Variants in CLPTM1L observed in about 807,000 individuals in gnomAD.
CLPTM1L encodes the protein CLPTM1 like.
A neutral mutation model predicts 70.9 loss-of-function variants in CLPTM1L; 38 were observed. The observed-to-expected ratio is 0.54, with a 90% CI of 0.41 to 0.70. The LOEUF (loss-of-function observed/expected upper bound fraction) is 0.70. Among genes scored for constraint, CLPTM1L ranks in the 30% least tolerant of loss-of-function variants. The pLI, the probability that CLPTM1L is intolerant of heterozygous loss-of-function variation, is 0.00. For missense variants in CLPTM1L, 652 were observed against 705.9 expected, an observed-to-expected ratio of 0.92 and a Z score of 0.87; for synonymous variants, 339 against 299.9, an observed-to-expected ratio of 1.13 and a Z score of -1.35.
chr5:1,338,574 A>G (rs898401873), intron 4 of CLPTM1L, among the ~76,000 whole-genome samples: 3 of 152,254 alleles, frequency 2.0e-5, no homozygotes, highest in Non-Finnish European at 4.4e-5. Context: ...AAGGGGAGCA[A>G]AGCAACCCGT....
chr5:1,318,790 T>C lies in CLPTM1L; in HGVS notation c.1533-337A>G, dbSNP rs897049421. Among the ~76,000 whole-genome samples, 1 of 151,920 alleles carries C rather than the reference T, an allele frequency of 6.6e-6. No homozygotes were observed. The highest frequency in any genetic ancestry group is 2.4e-5 in the African/African-American group (1 of 41,344). The stretch of plus-strand genomic sequence containing the variant: ...AACGGTGGCATCACGGAGACTCGAG[T>C]GATCAGAACAGGAACCGCTGTGTTC... On this transcript the variant is annotated intron_variant, in intron 16 of 16. Coordinates refer to ENST00000320895, the MANE Select transcript of CLPTM1L (RefSeq NM_030782.5). The surrounding 1 kb of genome is among the most constrained non-coding windows in gnomAD (Gnocchi z 8.9).
chr5:1,339,097 C>T, intron 3 of CLPTM1L, 92 bp from the exon 4 acceptor site: 1 of 1,436,582 alleles, frequency 7.0e-7, no homozygotes, highest in Non-Finnish European at 9.4e-7. Context: ...ACAGAACGGC[C>T]ACACAGACAG....
At chr5:1,338,795 G>T (rs1252941478) in intron 4 of CLPTM1L, 65 bp downstream of exon 4, 2 of 1,593,914 alleles carry the variant, frequency 1.3e-6, no homozygotes, top group African/African-American at 1.3e-5. Flanking sequence ...ACCTGCTGGC[G>T]AGTTCTGGCC....
At chr5:1,333,308 T>C (rs35717395) in intron 7 of CLPTM1L, among the ~76,000 whole-genome samples, 1 of 99,310 alleles carries the variant, frequency 1.0e-5, no homozygotes, top group African/African-American at 4.0e-5. Flanking sequence ...GACTACTGTA[T>C]ACACACGGGA....
intron 9 of CLPTM1L, among the ~76,000 whole-genome samples, chr5:1,329,249 T>A (rs1179721385): frequency 6.6e-6 from 1 of 152,272 alleles, no homozygotes; most frequent in East Asian, 1.9e-4. Context: ...CAACCAAGGC[T>A]GGACCACAGG....
rs143530499 is a variant in CLPTM1L at position 1,331,825 on chromosome 5, CTCT to C, written c.947_949del (p.Lys316del). 1.6e-5 allele frequency: 26 copies of C among 1,613,122 alleles called. No homozygotes were observed. Among genetic ancestry groups the C allele is most frequent in the African/African-American group, 5.3e-5 (4 of 74,924 alleles). ...TGCCTTGGTGGACATGCCGATCATG[CTCT>C]TCTTCTTCTTCCAGAAACTGATGTC... On this transcript the variant is annotated inframe_deletion, in exon 8 of 17. Coordinates refer to ENST00000320895, the MANE Select transcript of CLPTM1L (RefSeq NM_030782.5).
chr5:1,329,029 C>T lies in CLPTM1L; in HGVS notation c.1080+1251G>A, dbSNP rs188483675. On this transcript the variant is annotated intron_variant, in intron 9 of 16. Coordinates refer to ENST00000320895, the MANE Select transcript of CLPTM1L (RefSeq NM_030782.5). Reference sequence around the variant, plus strand: ...TCCAGCTCCTCCTCTACAGGCATGACGGCCGCAGAGGCCCCCACCCACAGG... The same window carrying T: ...TCCAGCTCCTCCTCTACAGGCATGATGGCCGCAGAGGCCCCCACCCACAGG... 1.2e-3 allele frequency among the ~76,000 whole-genome samples: 179 copies of T among 149,122 alleles called. 2 individuals are homozygous for T. Among genetic ancestry groups the T allele is most frequent in the Middle Eastern group, 6.8e-3 (2 of 292 alleles).
chr5:1,328,937 G>C (rs866213747), intron 9 of CLPTM1L, among the ~76,000 whole-genome samples: 105 of 109,146 alleles, frequency 9.6e-4, no homozygotes, highest in African/African-American at 1.8e-3. Context: ...CCTCTACAGG[G>C]ACATTCCATC....
intron 10 of CLPTM1L, chr5:1,325,434 T>G (rs943236162): frequency 2.4e-6 from 1 of 419,218 alleles, no homozygotes; most frequent in African/African-American, 2.0e-5. Flanking sequence ...AGCACCAGCC[T>G]CGGGAGCGCC....
intron 9 of CLPTM1L, among the ~76,000 whole-genome samples, chr5:1,327,259 C>CCATCCAGCTCCTCCTCGACAGGGACATTT (rs1752659061): frequency 7.2e-6 from 1 of 138,440 alleles, no homozygotes; most frequent in Non-Finnish European, 1.6e-5. Context: ...CAGACACATT[C>CCATCCAGCTCCTCCTCGACAGGGACATTT]CATCCAGCTC....
intron 7 of CLPTM1L, 108 bp downstream of exon 7, chr5:1,334,181 C>G (rs1753396615): frequency 2.8e-6 from 2 of 723,156 alleles, no homozygotes; most frequent in Non-Finnish European, 4.7e-6. Context: ...TTGAGGGCCA[C>G]AGGGCTGGAC....
chr5:1,326,243 C>T (rs993537595), intron 9 of CLPTM1L: 3 of 247,406 alleles, frequency 1.2e-5, no homozygotes, highest in African/African-American at 2.3e-5. Flanking sequence ...GAGCCGGGCA[C>T]GGCACTGTGA....
chr5:1,330,387 G>T lies in CLPTM1L; in HGVS notation c.977-4C>A. 22 of 1,612,152 alleles carry T rather than the reference G, an allele frequency of 1.4e-5. No homozygotes were observed. The highest frequency in any genetic ancestry group is 1.9e-5 in the Non-Finnish European group (22 of 1,179,370). ...GTGCTGAAGCAGCGCCAGAGCACTG[G>T]GGACAGGATGGTCGGGCTGGGAGGG... is the stretch of plus-strand genomic sequence containing the variant. On this transcript the variant is annotated splice_region_variant and splice_polypyrimidine_tract_variant and intron_variant, in intron 8 of 16. Transcript: ENST00000320895.
At chr5:1,325,338 A>C in intron 10 of CLPTM1L, 2 of 249,810 alleles carry the variant, frequency 8.0e-6, no homozygotes, top group Non-Finnish European at 7.7e-6. Context: ...TAGGGGCCTT[A>C]TGGGCGCCCA....
chr5:1,328,234 G>A (rs71575560), intron 9 of CLPTM1L, among the ~76,000 whole-genome samples: 49 of 77,898 alleles, frequency 6.3e-4, no homozygotes, highest in African/African-American at 8.1e-4. Flanking sequence ...CTCCTCCTCT[G>A]CAGACACATT....
At position 1,342,649 on chromosome 5, in the gene CLPTM1L, G is replaced by A. The variant is rs1003110943; in HGVS notation, c.264-789C>T. On this transcript the variant is annotated intron_variant, in intron 2 of 16. Coordinates refer to ENST00000320895, the MANE Select transcript of CLPTM1L (RefSeq NM_030782.5). The surrounding 1 kb of genome is among the most constrained non-coding windows in gnomAD (Gnocchi z 4.3). ...GTCACCAGGCTGAAAGTGTAGGGGT[G>A]CAATCACAGCTCACTGCATCCTCAA... Among the ~76,000 whole-genome samples the A allele has an allele frequency of 6.6e-6, 1 of 152,258 alleles. No individual in the cohort carries two copies. Among genetic ancestry groups the A allele is most frequent in the East Asian group, 1.9e-4 (1 of 5,202 alleles).
chr5:1,337,850 C>A, intron 5 of CLPTM1L, 54 bp downstream of exon 5: 2 of 1,432,100 alleles, frequency 1.4e-6, no homozygotes, highest in Non-Finnish European at 1.9e-6. Flanking sequence ...CGGGGCCAGT[C>A]TTGGGGTCAG....
chr5:1,317,977 TG>T lies in CLPTM1L; in HGVS notation c.*391del, dbSNP rs1184952595. The T allele has an allele frequency of 1.0e-5, 2 of 195,582 alleles. No homozygotes were observed. The highest frequency in any genetic ancestry group is 4.6e-5 in the African/African-American group (2 of 43,162). The allele number at this position is 195,582 out of a possible 1,614,324, so 12.1% of individuals were successfully genotyped here. On this transcript the variant is annotated 3_prime_UTR_variant, in exon 17 of 17. Transcript: ENST00000320895. Reference sequence around the variant, plus strand: ...CTTTGATCCCAGAGTCCATGCGGAATGAATTCCATACGTGTTTGAAATTCAC... The same window carrying T: ...CTTTGATCCCAGAGTCCATGCGGAATAATTCCATACGTGTTTGAAATTCAC...
At chr5:1,321,875 C>T (rs1218380048) in intron 13 of CLPTM1L, 56 bp from the exon 14 acceptor site, 33 of 1,523,438 alleles carry the variant, frequency 2.2e-5, no homozygotes, top group South Asian at 1.5e-4. Context: ...GCCACATCTA[C>T]GCACAGACGG....
Sources: gnomAD v4.1 joint callset for allele counts (sites outside exome capture counted in the v4.1 genomes callset) on GRCh38, gnomAD v4.1.1 for gene constraint, Gnocchi (gnomAD v3.1) non-coding constraint, MANE v1.5 for transcripts, NCBI Gene and HGNC (gene_info 2026-07-23, HGNC 2026-07-21) for gene names.